FAM13A: variants seen among roughly 807,000 people sequenced by gnomAD.
FAM13A encodes protein FAM13A.
FAM13A carries 76 observed loss-of-function variants against 129.6 expected under a neutral mutation model. That is an observed-to-expected ratio of 0.59 (90% CI 0.49 to 0.71). The LOEUF is 0.71. Among genes scored for constraint, FAM13A ranks in the 30% least tolerant of loss-of-function variants. The probability of loss-of-function intolerance (pLI) is 0.00; values close to 1 mark genes in which losing one functional copy is unlikely to be tolerated. For missense variants in FAM13A, 1,108 were observed against 1,249.3 expected (o/e 0.89, Z 1.70); for synonymous variants, 443 against 449.9 (o/e 0.98, Z 0.20).
chr4:88,980,766 A>G (rs549604906), intron 4 of FAM13A, among the ~76,000 whole-genome samples: 1 of 152,374 alleles, frequency 6.6e-6, no homozygotes, highest in South Asian at 2.1e-4. Flanking sequence ...CAAACCAAAT[A>G]TAGCTGCTTA....
intron 4 of FAM13A, among the ~76,000 whole-genome samples, chr4:88,951,919 TAGAG>T (rs1757012426): frequency 6.6e-6 from 1 of 152,214 alleles, no homozygotes; most frequent in Non-Finnish European, 1.5e-5. Flanking sequence ...ATGCATGACT[TAGAG>T]GGAACTAAAA....
Position 88,749,187 on chromosome 4 carries a change from G to A in FAM13A, c.2080-154C>T, listed in dbSNP as rs551550152. Reference sequence around the variant, plus strand: ...ACCAATCAGAGCAAATGTCACAAATGTAATTCCATTATCCTTCTTTATATT... The same window carrying A: ...ACCAATCAGAGCAAATGTCACAAATATAATTCCATTATCCTTCTTTATATT... On this transcript the variant is annotated intron_variant, in intron 16 of 23. Coordinates refer to ENST00000264344, the MANE Select transcript of FAM13A (RefSeq NM_014883.4). Among the ~76,000 whole-genome samples the A allele has an allele frequency of 2.6e-5, 4 of 152,336 alleles. No homozygotes were observed. The South Asian group carries it at 8.3e-4, about 32-fold the overall frequency.
chr4:88,964,920 G>A lies in FAM13A; in HGVS notation c.605+26053C>T, dbSNP rs185269173. On this transcript the variant is annotated intron_variant, in intron 4 of 23. Transcript: ENST00000264344. ...TGGGATTACAGGCGTGAGATACCGCGCCCGGCCCACTCTGCTCTTCTTGAT... is the reference window on the plus strand; with the variant it reads ...TGGGATTACAGGCGTGAGATACCGCACCCGGCCCACTCTGCTCTTCTTGAT... Among the ~76,000 whole-genome samples, 841 of 152,100 alleles carry A rather than the reference G, an allele frequency of 5.5e-3. 9 individuals carry two copies. Among genetic ancestry groups the A allele is most frequent in the African/African-American group, 0.018 (765 of 41,470 alleles).
chr4:88,911,958 C>G (rs753950959), intron 5 of FAM13A, among the ~76,000 whole-genome samples: 2 of 152,206 alleles, frequency 1.3e-5, no homozygotes, highest in African/African-American at 4.8e-5. Context: ...CTTTGTCTCA[C>G]TATTTCACAG....
chr4:88,935,881 T>C (rs1475509052), intron 5 of FAM13A, among the ~76,000 whole-genome samples: 1 of 152,220 alleles, frequency 6.6e-6, no homozygotes, highest in African/African-American at 2.4e-5. Flanking sequence ...ACACCCCTTG[T>C]CACATTCTCT....
Position 88,887,534 on chromosome 4 carries a change from CT to C in FAM13A, c.843+18844del, listed in dbSNP as rs1242606768. 9.9e-4 allele frequency among the ~76,000 whole-genome samples: 116 copies of C among 117,720 alleles called. 2 individuals carry two copies. Among genetic ancestry groups the C allele is most frequent in the African/African-American group, 1.4e-3 (50 of 36,336 alleles). The allele number at this position is 117,720 out of a possible 152,430, so 77.2% of individuals were successfully genotyped here. ...TTCACATATGTACCTTTCTTTCTTT[CT>C]TTTTTTTTTTTTTGAGACAGAGTCT... On this transcript the variant is annotated intron_variant, in intron 6 of 23. Transcript: ENST00000264344.
chr4:88,997,113 A>T (rs564257313), intron 3 of FAM13A, among the ~76,000 whole-genome samples: 2 of 152,178 alleles, frequency 1.3e-5, no homozygotes, highest in Non-Finnish European at 2.9e-5. Context: ...ATTCCATAAA[A>T]GGGCCTCAGA....
In FAM13A at chr4:88,731,832, T is replaced by C. The variant is rs539284526; in HGVS notation, c.2843+170A>G. 6.2e-5 allele frequency: 36 copies of C among 582,824 alleles called. 1 individual carries two copies. In the South Asian group the frequency reaches 8.7e-4, roughly 14 times the overall value. The allele number at this position is 582,824 out of a possible 1,614,324, so 36.1% of individuals were successfully genotyped here. On this transcript the variant is annotated intron_variant, in intron 22 of 23. Coordinates refer to ENST00000264344, the MANE Select transcript of FAM13A (RefSeq NM_014883.4). ...AAAAGTTCCCTCAAATAACATGGGC[T>C]GAAGCATATAAAAAAAGAAATTTTT...
intron 7 of FAM13A, among the ~76,000 whole-genome samples, chr4:88,810,057 A>G (rs1363272777): frequency 6.6e-6 from 1 of 152,120 alleles, no homozygotes; most frequent in African/African-American, 2.4e-5. Context: ...AGAAATACAA[A>G]TTATTGCAGT....
At chr4:88,749,371 G>A (rs1560884020) in intron 16 of FAM13A, among the ~76,000 whole-genome samples, 1 of 152,160 alleles carries the variant, frequency 6.6e-6, no homozygotes, top group Non-Finnish European at 1.5e-5. Context: ...GTTTTGCTCA[G>A]CAACCGTCAC....
chr4:88,877,493 G>GA (rs1196979573), intron 6 of FAM13A, among the ~76,000 whole-genome samples: 2 of 152,094 alleles, frequency 1.3e-5, no homozygotes, highest in Non-Finnish European at 2.9e-5. Flanking sequence ...ATGTTAAGGG[G>GA]AAAAAACAGA....
intron 4 of FAM13A, among the ~76,000 whole-genome samples, chr4:88,951,135 C>G (rs973967691): frequency 1.3e-5 from 2 of 152,142 alleles, no homozygotes; most frequent in African/African-American, 4.8e-5. Context: ...ACCCTGGACA[C>G]CTGACCTCTC....
chr4:89,041,247 C>T (rs1770079155), intron 1 of FAM13A, among the ~76,000 whole-genome samples: 3 of 152,052 alleles, frequency 2.0e-5, no homozygotes, highest in Admixed American at 2.0e-4. Context: ...GAAATGTTCC[C>T]AACACATAGA....
intron 6 of FAM13A, among the ~76,000 whole-genome samples, chr4:88,871,076 A>C (rs990092817): frequency 1.3e-5 from 2 of 152,236 alleles, no homozygotes; most frequent in Non-Finnish European, 2.9e-5. Context: ...AAGGAAAACT[A>C]ACAAACAGAA....
chr4:88,885,282 C>A (rs1234391132), intron 6 of FAM13A, among the ~76,000 whole-genome samples: 1 of 152,078 alleles, frequency 6.6e-6, no homozygotes, highest in African/African-American at 2.4e-5. Flanking sequence ...CCATAGTCAC[C>A]AAAACAGCAT....
At chr4:88,996,809 G>A (rs1166232015) in intron 3 of FAM13A, among the ~76,000 whole-genome samples, 1 of 152,050 alleles carries the variant, frequency 6.6e-6, no homozygotes, top group East Asian at 1.9e-4. Context: ...TGGTGGTTGA[G>A]TTTCAACCAT....
intron 3 of FAM13A, among the ~76,000 whole-genome samples, chr4:89,000,426 A>G (rs946041882): frequency 6.6e-6 from 1 of 152,206 alleles, no homozygotes; most frequent in African/African-American, 2.4e-5. Flanking sequence ...GTCACAAAGT[A>G]CCACATACTG....
At position 88,843,284 on chromosome 4, in the gene FAM13A, G is replaced by A. The variant is rs116197902; in HGVS notation, c.1007+7736C>T. On this transcript the variant is annotated intron_variant, in intron 7 of 23. Transcript: ENST00000264344. ...CTGTGCTTGTCACAAGGCAGCCTGA[G>A]ACACTCCCTCATTCATATGGGTGCT... Among the ~76,000 whole-genome samples the A allele has an allele frequency of 6.6e-3, 1,000 of 152,342 alleles. 17 individuals carry two copies. Among genetic ancestry groups the A allele is most frequent in the African/African-American group, 0.023 (957 of 41,580 alleles).
intron 1 of FAM13A, among the ~76,000 whole-genome samples, chr4:89,035,772 G>A (rs1384031629): frequency 6.6e-6 from 1 of 152,020 alleles, no homozygotes; most frequent in Non-Finnish European, 1.5e-5. Flanking sequence ...TCTTTCTCTG[G>A]CCATGTAAAA....
Sources: allele counts gnomAD v4.1 joint callset (sites outside exome capture counted in the v4.1 genomes callset), GRCh38; gene constraint gnomAD v4.1.1; transcripts MANE v1.5; gene names NCBI Gene and HGNC (gene_info 2026-07-23, HGNC 2026-07-21).